CTNND2: variants seen among roughly 807,000 people sequenced by gnomAD.
The protein encoded by CTNND2 is catenin delta-2.
A neutral mutation model predicts 144.4 loss-of-function variants in CTNND2; 22 were observed. The ratio of observed to expected loss-of-function variants is 0.15; its 90% CI spans 0.11 to 0.22. The LOEUF (loss-of-function observed/expected upper bound fraction) is 0.22. CTNND2 is among the 10% of genes least tolerant of loss of function. CTNND2 has a pLI of 1.00. For missense variants in CTNND2, 1,353 were observed against 1,618.8 expected, an observed-to-expected ratio of 0.84 and a Z score of 2.82; for synonymous variants, 751 against 695.6, an observed-to-expected ratio of 1.08 and a Z score of -1.25.
chr5:11,062,974 G>A (rs1747166286), intron 16 of CTNND2, among the ~76,000 whole-genome samples: 1 of 152,168 alleles, frequency 6.6e-6, no homozygotes, highest in African/African-American at 2.4e-5. Flanking sequence ...ACAATTCATC[G>A]TTTTCTTCAA....
chr5:11,641,754 G>A (rs2955273), intron 2 of CTNND2, among the ~76,000 whole-genome samples: 6,471 of 123,324 alleles, frequency 0.052, 603 homozygotes, highest in East Asian at 0.18. Context: ...ACGTGTGTAT[G>A]TACATACATA....
Position 11,173,142 on chromosome 5 carries a change from C to T in CTNND2, c.1976-13383G>A, listed in dbSNP as rs115843428. On this transcript the variant is annotated intron_variant, in intron 11 of 21. Transcript: ENST00000304623. The stretch of plus-strand genomic sequence containing the variant: ...ATTGTCATAAAAAATGTCAACTTTG[C>T]CCACATGCCGAACTTCCCGGGTACC... Among the ~76,000 whole-genome samples the T allele has an allele frequency of 4.3e-3, 662 of 152,364 alleles. 2 individuals are homozygous for T. Among genetic ancestry groups the T allele is most frequent in the African/African-American group, 0.015 (637 of 41,590 alleles).
intron 10 of CTNND2, among the ~76,000 whole-genome samples, chr5:11,222,881 C>A (rs1331309116): frequency 6.6e-6 from 1 of 152,192 alleles, no homozygotes; most frequent in African/African-American, 2.4e-5. Context: ...CATCCCACCT[C>A]CTGAAGCAGG....
intron 1 of CTNND2, among the ~76,000 whole-genome samples, chr5:11,760,755 G>A (rs966529678): frequency 6.6e-5 from 10 of 151,120 alleles, no homozygotes; most frequent in Non-Finnish European, 1.3e-4. Context: ...GTGAACACAT[G>A]TACAATTAAG....
chr5:11,177,586 C>T (rs1161520008), intron 11 of CTNND2, among the ~76,000 whole-genome samples: 1 of 151,980 alleles, frequency 6.6e-6, no homozygotes, highest in African/African-American at 2.4e-5. Flanking sequence ...TTTTACCTAT[C>T]ACCTCCTGGA....
chr5:11,729,421 C>T (rs551301789), intron 2 of CTNND2, among the ~76,000 whole-genome samples: 1 of 152,112 alleles, frequency 6.6e-6, no homozygotes, highest in Non-Finnish European at 1.5e-5. Context: ...TATGTATAAA[C>T]CAAAAACATA....
intron 6 of CTNND2, chr5:11,386,094 G>A (rs1479617): frequency 0.41 from 62,723 of 152,114 alleles, 13,110 homozygotes; most frequent in Middle Eastern, 0.48. Context: ...GAGACAGTTG[G>A]AGGGGAAAGC....
intron 18 of CTNND2, among the ~76,000 whole-genome samples, chr5:11,006,201 A>C (rs1398607292): frequency 1.3e-5 from 2 of 152,210 alleles, no homozygotes; most frequent in Non-Finnish European, 2.9e-5. Context: ...AGAGAAAAAT[A>C]AGAATAGTGA....
chr5:11,594,220 A>C (rs1345096174), intron 2 of CTNND2, among the ~76,000 whole-genome samples: 1 of 152,216 alleles, frequency 6.6e-6, no homozygotes, highest in African/African-American at 2.4e-5. Context: ...AAAGTAAATA[A>C]ATCATGTATA....
At chr5:11,862,041 T>C (rs538285743) in intron 1 of CTNND2, among the ~76,000 whole-genome samples, 1 of 152,330 alleles carries the variant, frequency 6.6e-6, no homozygotes, top group African/African-American at 2.4e-5. Flanking sequence ...GCTCTGTGGT[T>C]TTCTATAGCA....
chr5:10,975,470 C>T (rs1736350045), intron 21 of CTNND2, among the ~76,000 whole-genome samples: 1 of 152,202 alleles, frequency 6.6e-6, no homozygotes, highest in African/African-American at 2.4e-5. Context: ...ATCCATCCAT[C>T]CATCCATCCC....
chr5:11,156,537 C>T, intron 12 of CTNND2, among the ~76,000 whole-genome samples: 1 of 152,052 alleles, frequency 6.6e-6, no homozygotes, highest in East Asian at 1.9e-4. Context: ...TTTATATATT[C>T]CTGAAACAAT....
intron 3 of CTNND2, among the ~76,000 whole-genome samples, chr5:11,453,245 C>G (rs1765446312): frequency 2.0e-5 from 3 of 152,194 alleles, no homozygotes; most frequent in Admixed American, 2.0e-4. Context: ...ATCATTAGCA[C>G]CATCCCATCA....
intron 2 of CTNND2, among the ~76,000 whole-genome samples, chr5:11,623,228 A>C (rs1780939660): frequency 6.6e-6 from 1 of 152,068 alleles, no homozygotes; most frequent in African/African-American, 2.4e-5. Context: ...GCTCGTTGAT[A>C]TGGTTTGACT....
At chr5:11,881,845 C>G (rs1236173792) in intron 1 of CTNND2, among the ~76,000 whole-genome samples, 1 of 151,974 alleles carries the variant, frequency 6.6e-6, no homozygotes, top group African/African-American at 2.4e-5. Flanking sequence ...ATTTACATTT[C>G]CACCGACAGT....
At chr5:11,152,392 G>C (rs536491834) in intron 12 of CTNND2, among the ~76,000 whole-genome samples, 2 of 152,304 alleles carry the variant, frequency 1.3e-5, no homozygotes, top group Non-Finnish European at 2.9e-5. Flanking sequence ...ACAGTGTTGT[G>C]CTATACAGGC....
chr5:11,738,148 A>C (rs1303297912), intron 1 of CTNND2, among the ~76,000 whole-genome samples: 1 of 152,210 alleles, frequency 6.6e-6, no homozygotes, highest in Non-Finnish European at 1.5e-5. Context: ...TCTCAGGAGG[A>C]GGCATGTGTC....
At chr5:11,037,059 C>T (rs1020526408) in intron 16 of CTNND2, among the ~76,000 whole-genome samples, 6 of 152,126 alleles carry the variant, frequency 3.9e-5, no homozygotes, top group Non-Finnish European at 8.8e-5. Context: ...TAATGGTCAA[C>T]AATTTTTTAA....
chr5:11,824,223 T>G (rs1267208871), intron 1 of CTNND2, among the ~76,000 whole-genome samples: 1 of 152,010 alleles, frequency 6.6e-6, no homozygotes, highest in Non-Finnish European at 1.5e-5. Context: ...ACTAAGTGAG[T>G]TATACATAAA....
Sources: allele counts gnomAD v4.1 joint callset (sites outside exome capture counted in the v4.1 genomes callset), GRCh38; gene constraint gnomAD v4.1.1; transcripts MANE v1.5; gene names NCBI Gene and HGNC (gene_info 2026-07-23, HGNC 2026-07-21).